The following EYS variants were observed in gnomAD, a reference collection of about 807,000 sequenced individuals.
The protein encoded by EYS is protein eyes shut homolog.
EYS carries 250 observed loss-of-function variants against 282.1 expected under a neutral mutation model. That is an observed-to-expected ratio of 0.89 (90% CI 0.80 to 0.98). The LOEUF is 0.98. EYS is among the 50% of genes least tolerant of loss of function. EYS has a pLI of 0.00. For synonymous variants in EYS, 1,355 were observed against 1,282.9 expected, an observed-to-expected ratio of 1.06 and a Z score of -1.20; for missense variants, 4,016 against 3,709.0, an observed-to-expected ratio of 1.08 and a Z score of -2.15.
intron 31 of EYS, among the ~76,000 whole-genome samples, chr6:64,194,371 T>A (rs1401835499): frequency 6.6e-6 from 1 of 152,216 alleles, no homozygotes; most frequent in South Asian, 2.1e-4. Context: ...ATTTTATCTT[T>A]ACTAATGTAA....
intron 41 of EYS, among the ~76,000 whole-genome samples, chr6:63,729,782 C>T (rs1454004164): frequency 6.6e-6 from 1 of 152,118 alleles, no homozygotes; most frequent in African/African-American, 2.4e-5. Flanking sequence ...GTGCCCCTGT[C>T]TTATAAATTT....
chr6:65,588,283 T>C (rs354361), intron 2 of EYS, among the ~76,000 whole-genome samples: 77,144 of 151,866 alleles, frequency 0.51, 19,901 homozygotes, highest in East Asian at 0.65. Context: ...TTTTCTCCCA[T>C]AAATCATATT....
At chr6:64,195,190 T>C (rs1218981966) in intron 31 of EYS, among the ~76,000 whole-genome samples, 1 of 152,230 alleles carries the variant, frequency 6.6e-6, no homozygotes, top group Non-Finnish European at 1.5e-5. Context: ...AAATTTATCA[T>C]TTAAGTTTTT....
At chr6:65,064,874 G>A (rs1773697663) in intron 12 of EYS, among the ~76,000 whole-genome samples, 1 of 152,140 alleles carries the variant, frequency 6.6e-6, no homozygotes, top group Non-Finnish European at 1.5e-5. Flanking sequence ...AAGCTGGGAA[G>A]TGAGTACCTA....
At chr6:64,125,785 C>CAAAAAAAAAA (rs920132590) in intron 31 of EYS, among the ~76,000 whole-genome samples, 3 of 50,016 alleles carry the variant, frequency 6.0e-5, no homozygotes, top group African/African-American at 1.3e-4. Flanking sequence ...GACTCCGTCT[C>CAAAAAAAAAA]AAAAAAAAAA....
At chr6:64,491,270 T>C (rs545898232) in intron 26 of EYS, among the ~76,000 whole-genome samples, 2 of 150,950 alleles carry the variant, frequency 1.3e-5, no homozygotes, top group South Asian at 2.1e-4. Context: ...AAATGAAAAG[T>C]AACAAAATAA....
At chr6:64,355,850 A>G (rs577510093) in intron 29 of EYS, among the ~76,000 whole-genome samples, 2 of 151,804 alleles carry the variant, frequency 1.3e-5, no homozygotes, top group South Asian at 4.1e-4. Context: ...GAGGTCCACA[A>G]GAGATGAGCT....
At chr6:64,330,722 G>A (rs780212556) in intron 29 of EYS, among the ~76,000 whole-genome samples, 5 of 152,170 alleles carry the variant, frequency 3.3e-5, no homozygotes, top group African/African-American at 4.8e-5. Context: ...TAATTTGCGT[G>A]CCCCACATGG....
chr6:64,038,679 CA>C (rs1195097526), intron 33 of EYS, among the ~76,000 whole-genome samples: 3 of 151,744 alleles, frequency 2.0e-5, no homozygotes, highest in Non-Finnish European at 4.4e-5. Context: ...TTTTTTCCTC[CA>C]TTTTTTTAAT....
chr6:65,509,978 A>G (rs1766801561), intron 2 of EYS, among the ~76,000 whole-genome samples: 1 of 151,208 alleles, frequency 6.6e-6, no homozygotes, highest in African/African-American at 2.4e-5. Context: ...TATTATTGTT[A>G]TAATCTCTCT....
chr6:64,546,424 G>T (rs1562053111), intron 26 of EYS, among the ~76,000 whole-genome samples: 2 of 152,148 alleles, frequency 1.3e-5, no homozygotes, highest in Non-Finnish European at 2.9e-5. Flanking sequence ...AACCCTAGAA[G>T]AAAACCTGGG....
intron 2 of EYS, among the ~76,000 whole-genome samples, chr6:65,548,658 A>G (rs573342539): frequency 3.9e-5 from 6 of 152,184 alleles, no homozygotes; most frequent in South Asian, 2.1e-4. Context: ...ATCCTTTCCA[A>G]TTTGAACCCG....
chr6:64,381,552 CAT>C (rs1217355394), intron 29 of EYS, among the ~76,000 whole-genome samples: 1 of 152,124 alleles, frequency 6.6e-6, no homozygotes, highest in Non-Finnish European at 1.5e-5. Context: ...TTCACTACTG[CAT>C]ATGTTTTTTG....
At chr6:64,683,489 G>T (rs1429453909) in intron 22 of EYS, among the ~76,000 whole-genome samples, 1 of 152,090 alleles carries the variant, frequency 6.6e-6, no homozygotes, top group African/African-American at 2.4e-5. Flanking sequence ...CTTAATATTG[G>T]ATTAGAGAAG....
chr6:64,676,351 T>TATATATAGAGAG (rs1554192088), intron 22 of EYS, among the ~76,000 whole-genome samples: 3 of 145,460 alleles, frequency 2.1e-5, no homozygotes, highest in Non-Finnish European at 4.5e-5. Context: ...TATATATATA[T>TATATATAGAGAG]AGAGAGAGAG....
At chr6:63,913,774 T>C (rs1224429439) in intron 35 of EYS, among the ~76,000 whole-genome samples, 1 of 152,222 alleles carries the variant, frequency 6.6e-6, no homozygotes, top group Non-Finnish European at 1.5e-5. Context: ...TGAACAATGC[T>C]GCTATGAATA....
chr6:64,851,034 T>G (rs1765866070), intron 19 of EYS, among the ~76,000 whole-genome samples: 1 of 152,068 alleles, frequency 6.6e-6, no homozygotes, highest in African/African-American at 2.4e-5. Flanking sequence ...ATTGTGGTGG[T>G]TTGGCAGTAT....
chr6:65,064,231 TATATATATG>T lies in EYS; in HGVS notation c.2024-6513_2024-6505del, dbSNP rs578136342. ...TATACTATATATTATATATGTATGA[TATATATATG>T]ATATATATGATATATATATCATATA... On this transcript the variant is annotated intron_variant, in intron 12 of 42. Transcript: ENST00000503581. 1.6e-3 allele frequency among the ~76,000 whole-genome samples: 226 copies of T among 140,242 alleles called. 1 individual carries two copies. The highest frequency in any genetic ancestry group is 5.0e-3 in the Middle Eastern group (1 of 200). 92.0% of individuals were successfully genotyped at this position (140,242 alleles called of 152,430 possible).
At chr6:64,376,749 A>T (rs1402553134) in intron 29 of EYS, among the ~76,000 whole-genome samples, 2 of 152,090 alleles carry the variant, frequency 1.3e-5, no homozygotes. Flanking sequence ...TAGATTCGTC[A>T]TTTGAGGCTT....
Sources: allele counts gnomAD v4.1 joint callset (sites outside exome capture counted in the v4.1 genomes callset), GRCh38; gene constraint gnomAD v4.1.1; transcripts MANE v1.5; gene names NCBI Gene and HGNC (gene_info 2026-07-23, HGNC 2026-07-21).